PRKG1: variants seen among roughly 807,000 people sequenced by gnomAD.
PRKG1 encodes the protein protein kinase cGMP-dependent 1.
A neutral mutation model predicts 88.1 loss-of-function variants in PRKG1; 35 were observed. The observed-to-expected ratio is 0.40, with a 90% CI of 0.30 to 0.53. The LOEUF is 0.53. PRKG1 is among the 20% of genes least tolerant of loss of function. The pLI is 0.59. For synonymous variants in PRKG1, 303 were observed against 292.5 expected (o/e 1.04, Z -0.37); for missense variants, 540 against 839.8 (o/e 0.64, Z 4.41).
chr10:51,289,124 C>T (rs991339283), intron 2 of PRKG1, among the ~76,000 whole-genome samples: 2 of 152,144 alleles, frequency 1.3e-5, no homozygotes, highest in Non-Finnish European at 2.9e-5. Context: ...ATGTAGTACA[C>T]TTGCACAGTC....
At chr10:52,192,640 T>C (rs550930209) in intron 9 of PRKG1, among the ~76,000 whole-genome samples, 1 of 152,214 alleles carries the variant, frequency 6.6e-6, no homozygotes, top group African/African-American at 2.4e-5. Flanking sequence ...GGATAAGAAC[T>C]TTGCTTATGC....
In PRKG1 at chr10:51,410,728, T is replaced by C. The variant is rs559749749; in HGVS notation, c.479-56995T>C. Among the ~76,000 whole-genome samples, 20 of 152,188 alleles carry C rather than the reference T, an allele frequency of 1.3e-4. No homozygotes were observed. In the South Asian group the frequency reaches 3.7e-3, roughly 28 times the overall value. On this transcript the variant is annotated intron_variant, in intron 2 of 17. Transcript: ENST00000373980. ...AATTTGCATTGTACAAACAAGGAAA[T>C]TAAGGTTTTGGATTTAAAAAATGAT...
chr10:52,212,585 A>G (rs1328546256), intron 9 of PRKG1, among the ~76,000 whole-genome samples: 1 of 151,396 alleles, frequency 6.6e-6, no homozygotes, highest in Non-Finnish European at 1.5e-5. Context: ...CTTTTCATCC[A>G]TATGGCTGTT....
rs1345768665 is a variant in PRKG1 at position 51,953,820 on chromosome 10, A to G, written c.762+46250A>G. Among the ~76,000 whole-genome samples the G allele has an allele frequency of 2.6e-5, 4 of 152,030 alleles. No homozygotes were observed. In the East Asian group the frequency reaches 7.7e-4, roughly 29 times the overall value. On this transcript the variant is annotated intron_variant, in intron 5 of 17. Transcript: ENST00000373980. ...ATTTATTTCAAATTCTGTATCCTCT[A>G]TATTATTCAAACTATGCATAGTTAG...
chr10:51,871,705 A>G (rs1394676353), intron 4 of PRKG1, among the ~76,000 whole-genome samples: 1 of 152,178 alleles, frequency 6.6e-6, no homozygotes, highest in Non-Finnish European at 1.5e-5. Context: ...GCCTGTGGGA[A>G]GAGGAGTTAC....
intron 3 of PRKG1, among the ~76,000 whole-genome samples, chr10:51,492,673 A>G (rs538324192): frequency 6.6e-6 from 1 of 152,282 alleles, no homozygotes; most frequent in African/African-American, 2.4e-5. Flanking sequence ...AAAGCAATCA[A>G]AATGAATGAA....
chr10:51,205,131 T>C (rs12359538), intron 2 of PRKG1, among the ~76,000 whole-genome samples: 1,961 of 28,376 alleles, frequency 0.069, 152 homozygotes, highest in African/African-American at 0.2. Flanking sequence ...TCTTTTCTTT[T>C]TTTTTTTTTT....
chr10:52,078,446 C>T (rs1374540685), intron 7 of PRKG1, among the ~76,000 whole-genome samples: 2 of 152,126 alleles, frequency 1.3e-5, no homozygotes, highest in Non-Finnish European at 2.9e-5. Flanking sequence ...TAGAAACTTT[C>T]CTACAAGAAA....
intron 3 of PRKG1, among the ~76,000 whole-genome samples, chr10:51,593,234 A>C (rs1012671745): frequency 1.3e-5 from 2 of 152,216 alleles, no homozygotes; most frequent in African/African-American, 2.4e-5. Context: ...TTGAAAATAC[A>C]TTTCTCATAT....
At chr10:51,211,118 T>A (rs537757620) in intron 2 of PRKG1, among the ~76,000 whole-genome samples, 12 of 152,296 alleles carry the variant, frequency 7.9e-5, no homozygotes, top group African/African-American at 2.6e-4. Context: ...TTATCCAACA[T>A]GATCAAGTGG....
chr10:51,582,955 C>G (rs955719), intron 3 of PRKG1, among the ~76,000 whole-genome samples: 77,104 of 151,892 alleles, frequency 0.51, 20,233 homozygotes, highest in Non-Finnish European at 0.57. Context: ...TATTATTTTA[C>G]TACTTTACTG....
At chr10:51,835,749 A>T (rs998805415) in intron 4 of PRKG1, among the ~76,000 whole-genome samples, 10 of 152,156 alleles carry the variant, frequency 6.6e-5, no homozygotes, top group Non-Finnish European at 1.2e-4. Context: ...TTGGATATAT[A>T]CCCATTAGTG....
intron 2 of PRKG1, among the ~76,000 whole-genome samples, chr10:51,197,587 T>C (rs896781397): frequency 6.6e-6 from 1 of 152,020 alleles, no homozygotes. Context: ...ATTGTGTTTA[T>C]TGAAAGTATG....
At chr10:51,946,686 C>T (rs1329187259) in intron 5 of PRKG1, among the ~76,000 whole-genome samples, 6 of 152,116 alleles carry the variant, frequency 3.9e-5, no homozygotes, top group Non-Finnish European at 8.8e-5. Flanking sequence ...AGAGACAGGA[C>T]CCTCAGCTGC....
chr10:51,257,696 T>C (rs545059114), intron 2 of PRKG1, among the ~76,000 whole-genome samples: 76 of 152,270 alleles, frequency 5.0e-4, no homozygotes, highest in Non-Finnish European at 9.7e-4. Flanking sequence ...GCTCATTTTT[T>C]TTTTTCCACC....
At chr10:51,527,951 T>G (rs1841923506) in intron 3 of PRKG1, among the ~76,000 whole-genome samples, 1 of 152,204 alleles carries the variant, frequency 6.6e-6, no homozygotes, top group Non-Finnish European at 1.5e-5. Flanking sequence ...TTGAAGAGTT[T>G]ATGATTCAGT....
chr10:51,683,389 T>A (rs1228369525), intron 3 of PRKG1, among the ~76,000 whole-genome samples: 2 of 152,058 alleles, frequency 1.3e-5, no homozygotes, highest in Non-Finnish European at 1.5e-5. Flanking sequence ...ATAGCTATAA[T>A]TAAAAATAAA....
intron 2 of PRKG1, among the ~76,000 whole-genome samples, chr10:51,340,670 C>T (rs1252516115): frequency 2.0e-5 from 3 of 152,174 alleles, no homozygotes; most frequent in African/African-American, 7.2e-5. Flanking sequence ...CTCATCATTT[C>T]ATGAAAGCTA....
At chr10:51,785,730 T>A (rs1043309893) in intron 3 of PRKG1, among the ~76,000 whole-genome samples, 1 of 152,116 alleles carries the variant, frequency 6.6e-6, no homozygotes, top group Non-Finnish European at 1.5e-5. Flanking sequence ...TCAATACATG[T>A]CTGTATTTGA....
Sources: allele counts gnomAD v4.1 joint callset (sites outside exome capture counted in the v4.1 genomes callset), GRCh38; gene constraint gnomAD v4.1.1; transcripts MANE v1.5; gene names NCBI Gene and HGNC (gene_info 2026-07-23, HGNC 2026-07-21).